Variants in ADPRS observed in about 807,000 individuals in gnomAD.
ADPRS encodes ADP-ribosylhydrolase ARH3.
ADPRS carries 25 observed loss-of-function variants against 32.1 expected under a neutral mutation model. The ratio of observed to expected loss-of-function variants is 0.78; its 90% confidence interval spans 0.57 to 1.09. The LOEUF is 1.09. Among genes scored for constraint, ADPRS ranks in the 50% least tolerant of loss-of-function variants. ADPRS has a pLI of 0.00. For synonymous variants in ADPRS, 225 were observed against 201.0 expected, an observed-to-expected ratio of 1.12 and a Z score of -1.01; for missense variants, 482 against 480.6, an observed-to-expected ratio of 1.00 and a Z score of -0.03.
chr1:36,092,307 G>C (rs1375154308), intron 4 of ADPRS, 115 bp from the exon 5 acceptor site: 7 of 1,215,450 alleles, frequency 5.8e-6, no homozygotes, highest in Non-Finnish European at 8.1e-6. Context: ...GTCGGCACCT[G>C]TGCCTGGCTG....
intron 5 of ADPRS, 62 bp downstream of exon 5, chr1:36,092,584 CAG>C (rs1339082237): frequency 7.9e-6 from 12 of 1,515,406 alleles, no homozygotes; most frequent in African/African-American, 6.9e-5. Flanking sequence ...GTCTTGGGCT[CAG>C]GGGAGCATGG....
chr1:36,091,535 T>A, intron 2 of ADPRS, 83 bp from the exon 3 acceptor site: 1 of 1,406,294 alleles, frequency 7.1e-7, no homozygotes, highest in South Asian at 1.4e-5. Flanking sequence ...TTTCTCTTTT[T>A]CCAAACTAGC....
chr1:36,093,027 G>A, intron 5 of ADPRS, 70 bp from the exon 6 acceptor site: 1 of 1,527,412 alleles, frequency 6.5e-7, no homozygotes, highest in Non-Finnish European at 8.9e-7. Context: ...GAAGCCGAGA[G>A]TGCTGACTTG....
intron 1 of ADPRS, among the ~76,000 whole-genome samples, chr1:36,089,476 G>A (rs938055494): frequency 1.3e-5 from 2 of 152,204 alleles, no homozygotes; most frequent in Non-Finnish European, 2.9e-5. Flanking sequence ...CTATGAATGC[G>A]TATCAGCGTT....
rs759989977 is a variant in ADPRS, at chr1:36,091,916, C to T, written c.523C>T (p.Arg175Trp). Residue 175 changes from arginine (R) to tryptophan (W), a missense_variant, in exon 4 of 6, where the codon CGG becomes TGG. Arg to Trp is a moderately radical substitution (Grantham distance 101, BLOSUM62 -3). Transcript: ENST00000373178. ...SSVQDVQKFA[R>W]LSAQLTHASS... Reference sequence around the variant, plus strand: ...CAGGTCTCCTCCTCCCTAGTTTGCCCGGCTCTCGGCCCAGCTGACACACGC... The same window carrying T: ...CAGGTCTCCTCCTCCCTAGTTTGCCTGGCTCTCGGCCCAGCTGACACACGC... The T allele has an allele frequency of 1.4e-5, 23 of 1,601,200 alleles. No individual in the cohort carries two copies. The highest frequency in any genetic ancestry group is 1.7e-4 in the Middle Eastern group (1 of 6,026).
chr1:36,091,274 T>C lies in ADPRS; in HGVS notation c.242T>C (p.Met81Thr). The part of the protein sequence containing the change: ...EALYYTDDTA[M>T]ARALVQSLLA... ...TTGTACTACACAGATGACACAGCCA[T>C]GGCCAGGGCCCTGGTGCAGTCCCTG... Residue 81 changes from methionine (M) to threonine (T), a missense_variant, in exon 2 of 6, where the codon ATG (methionine) becomes ACG (threonine). Transcript: ENST00000373178. 1 of 1,614,182 alleles carries C rather than the reference T, an allele frequency of 6.2e-7. No individual in the cohort carries two copies. Among genetic ancestry groups the C allele is most frequent in the Non-Finnish European group, 8.5e-7 (1 of 1,180,008 alleles).
Position 36,093,629 on chromosome 1 carries a change from A to G in ADPRS, c.*243A>G, listed in dbSNP as rs1643516861. The G allele has an allele frequency of 1.9e-6, 1 of 531,762 alleles. No individual in the cohort carries two copies. Among genetic ancestry groups the G allele is most frequent in the Non-Finnish European group, 3.3e-6 (1 of 300,164 alleles). 32.9% of individuals were successfully genotyped at this position (531,762 alleles called of 1,614,324 possible). A position where few individuals can be genotyped will look rare whatever the true frequency, so the allele number is the denominator to read the frequency against. ...AGCCGTAGGACACTCCTGGCTCCTC[A>G]GTAGGACAGACAGACGCAGGCGGGT... On this transcript the variant is annotated 3_prime_UTR_variant, in exon 6 of 6. Coordinates refer to ENST00000373178, the MANE Select transcript of ADPRS (RefSeq NM_017825.3).
Position 36,091,939 on chromosome 1 carries a change from C to G in ADPRS, c.546C>G (p.His182Gln). The change falls in exon 4 of 6, where the codon CAC becomes CAG. Residue 182 changes from histidine to glutamine, a missense_variant. His to Gln is a conservative substitution (Grantham distance 24). Coordinates refer to ENST00000373178, the MANE Select transcript of ADPRS (RefSeq NM_017825.3). ...CCCGGCTCTCGGCCCAGCTGACACACGCCTCCTCCCTGGGTTACAATGGCG... is the reference window on the plus strand; with the variant it reads ...CCCGGCTCTCGGCCCAGCTGACACAGGCCTCCTCCCTGGGTTACAATGGCG... ...KFARLSAQLT[H>Q]ASSLGYNGAI... 6.2e-7 allele frequency: 1 copy of G among 1,608,900 alleles called. No homozygotes were observed. Among genetic ancestry groups the G allele is most frequent in the Non-Finnish European group, 8.5e-7 (1 of 1,176,236 alleles).
Position 36,093,536 on chromosome 1 carries a change from G to A in ADPRS, c.*150G>A, listed in dbSNP as rs1247708227. 8.5e-6 allele frequency: 9 copies of A among 1,063,698 alleles called. No individual in the cohort carries two copies. Among genetic ancestry groups the A allele is most frequent in the Non-Finnish European group, 1.1e-5 (8 of 754,428 alleles). The allele number at this position is 1,063,698 out of a possible 1,614,324, so 65.9% of individuals were successfully genotyped here. Reference sequence around the variant, plus strand: ...ACCGGTGAGGCTGGGGTCTCTGCAGGGGAGGTCACTGGAACAGCGAGCAAG... The same window carrying A: ...ACCGGTGAGGCTGGGGTCTCTGCAGAGGAGGTCACTGGAACAGCGAGCAAG... On this transcript the variant is annotated 3_prime_UTR_variant, in exon 6 of 6. Coordinates refer to ENST00000373178, the MANE Select transcript of ADPRS (RefSeq NM_017825.3).
Position 36,093,618 on chromosome 1 carries a change from C to T in ADPRS, c.*232C>T, listed in dbSNP as rs1231305228. ...GTTTGCTGCAGAGCCGTAGGACACT[C>T]CTGGCTCCTCAGTAGGACAGACAGA... On this transcript the variant is annotated 3_prime_UTR_variant, in exon 6 of 6. Transcript: ENST00000373178. The T allele has an allele frequency of 5.3e-6, 3 of 565,204 alleles. No homozygotes were observed. Among genetic ancestry groups the T allele is most frequent in the African/African-American group, 1.9e-5 (1 of 53,514 alleles). 35.0% of individuals were successfully genotyped at this position (565,204 alleles called of 1,614,324 possible).
In ADPRS at chr1:36,093,555, G is replaced by A. The variant is rs1010243749; in HGVS notation, c.*169G>A. The A allele has an allele frequency of 9.2e-6, 8 of 866,156 alleles. No individual in the cohort carries two copies. Among genetic ancestry groups the A allele is most frequent in the South Asian group, 3.7e-5 (2 of 54,650 alleles). 53.7% of individuals were successfully genotyped at this position (866,156 alleles called of 1,614,324 possible). On this transcript the variant is annotated 3_prime_UTR_variant, in exon 6 of 6. Coordinates refer to ENST00000373178, the MANE Select transcript of ADPRS (RefSeq NM_017825.3). Reference sequence around the variant, plus strand: ...CTGCAGGGGAGGTCACTGGAACAGCGAGCAAGGGACTGGTGCCTCGCTGGT... The same window carrying A: ...CTGCAGGGGAGGTCACTGGAACAGCAAGCAAGGGACTGGTGCCTCGCTGGT...
intron 1 of ADPRS, among the ~76,000 whole-genome samples, chr1:36,089,578 C>G (rs192697683): frequency 6.6e-6 from 1 of 152,144 alleles, no homozygotes; most frequent in African/African-American, 2.4e-5. Flanking sequence ...TCCCGGTTCT[C>G]TAGAGTCAGT....
Position 36,093,137 on chromosome 1 carries a change from C to G in ADPRS, c.843C>G (p.Ile281Met). Residue 281 changes from isoleucine (I) to methionine (M), a missense_variant, in exon 6 of 6, where the codon ATC (isoleucine) becomes ATG (methionine). Coordinates refer to ENST00000373178, the MANE Select transcript of ADPRS (RefSeq NM_017825.3). ...CCTTTGAGTCGGTACCCACCGCCAT[C>G]TACTGCTTCCTACGCTGCATGGAGC... ...IAAFESVPTAIYCFLRCMEPD... is the reference protein window; with the variant it reads ...IAAFESVPTAMYCFLRCMEPD... 3.7e-6 allele frequency: 6 copies of G among 1,614,210 alleles called. No individual in the cohort carries two copies. The highest frequency in any genetic ancestry group is 5.1e-6 in the Non-Finnish European group (6 of 1,180,046).
At chr1:36,092,585 A>C in intron 5 of ADPRS, 63 bp downstream of exon 5, 11 of 1,507,434 alleles carry the variant, frequency 7.3e-6, no homozygotes, top group Non-Finnish European at 9.2e-6. Context: ...TCTTGGGCTC[A>C]GGGGAGCATG....
intron 2 of ADPRS, 44 bp from the exon 3 acceptor site, chr1:36,091,574 G>A: frequency 6.6e-7 from 1 of 1,523,848 alleles, no homozygotes. Context: ...AACCCTTAGA[G>A]GCATCTTGTA....
chr1:36,093,129 ACCG>A lies in ADPRS; in HGVS notation c.838_840del (p.Ala280del). On this transcript the variant is annotated inframe_deletion, in exon 6 of 6. Coordinates refer to ENST00000373178, the MANE Select transcript of ADPRS (RefSeq NM_017825.3). The stretch of plus-strand genomic sequence containing the variant: ...CATTGCTGCCTTTGAGTCGGTACCC[ACCG>A]CCATCTACTGCTTCCTACGCTGCAT... The A allele has an allele frequency of 1.9e-6, 3 of 1,614,156 alleles. No homozygotes were observed. Among genetic ancestry groups the A allele is most frequent in the Non-Finnish European group, 2.5e-6 (3 of 1,180,024 alleles).
intron 1 of ADPRS, 31 bp downstream of exon 1, chr1:36,089,146 G>T (rs982418864): frequency 1.4e-6 from 2 of 1,388,504 alleles, no homozygotes; most frequent in East Asian, 3.0e-5. Context: ...GTCAGAGGCC[G>T]TGCGGGAGGG....
chr1:36,092,319 C>T, intron 4 of ADPRS, 103 bp from the exon 5 acceptor site: 1 of 1,279,786 alleles, frequency 7.8e-7, no homozygotes, highest in Non-Finnish European at 1.1e-6. Context: ...GCCTGGCTGC[C>T]AGCCTGACCA....
Position 36,088,963 on chromosome 1 carries a change from T to G in ADPRS, c.59T>G (p.Leu20Arg). ...GGAGGGGCTGGCGCGGCCCGCTCCC[T>G]CTCGCGCTTCCGAGGCTGCCTGGCT... ...AGGGAGAARS[L>R]SRFRGCLAGA... Residue 20 changes from leucine to arginine, a missense_variant, in exon 1 of 6, where the codon CTC (leucine) becomes CGC (arginine). Transcript: ENST00000373178. 3 of 1,501,118 alleles carry G rather than the reference T, an allele frequency of 2.0e-6. No homozygotes were observed. 93.0% of individuals were successfully genotyped at this position (1,501,118 alleles called of 1,614,324 possible). A position where few individuals can be genotyped will look rare whatever the true frequency, so the allele number is the denominator to read the frequency against.
Sources: allele counts gnomAD v4.1 joint callset (sites outside exome capture counted in the v4.1 genomes callset), GRCh38; gene constraint gnomAD v4.1.1; transcripts MANE v1.5; gene names NCBI Gene and HGNC (gene_info 2026-07-23, HGNC 2026-07-21).